Variants in SUCLG1 observed in about 807,000 individuals in gnomAD.
The protein encoded by SUCLG1 is succinate--CoA ligase [ADP/GDP-forming] subunit alpha, mitochondrial.
SUCLG1 carries 26 observed loss-of-function variants against 37.3 expected under a neutral mutation model. The ratio of observed to expected loss-of-function variants is 0.70; its 90% CI spans 0.51 to 0.97. The LOEUF is 0.97. SUCLG1 is among the 50% of genes least tolerant of loss of function. The pLI, the probability that SUCLG1 is intolerant of heterozygous loss-of-function variation, is 0.00. For missense variants in SUCLG1, 433 were observed against 432.9 expected (o/e 1.00, Z 0.00); for synonymous variants, 163 against 155.6 (o/e 1.05, Z -0.36).
Position 84,431,661 on chromosome 2 carries a change from T to C in SUCLG1, c.674-2A>G. ...CATTAAAAGGATCACCTCCAATGCC[T>C]GAAAAAGTTGAAAAATATCAATAGC... On this transcript the variant is annotated splice_acceptor_variant, in intron 6 of 8. Transcript: ENST00000393868. LOFTEE classifies it high-confidence loss of function. 1 of 1,613,754 alleles carries C rather than the reference T, an allele frequency of 6.2e-7. No individual in the cohort carries two copies. Among genetic ancestry groups the C allele is most frequent in the Non-Finnish European group, 8.5e-7 (1 of 1,179,818 alleles).
rs1672764290 is a variant in SUCLG1, at chr2:84,441,087, A to C, written c.549T>G (p.Ile183Met). 1 of 1,614,068 alleles carries C rather than the reference A, an allele frequency of 6.2e-7. No individual in the cohort carries two copies. Among genetic ancestry groups the C allele is most frequent in the African/African-American group, 1.3e-5 (1 of 74,952 alleles). ...PGVINPGECK[I>M]GIMPGHIHKK... ...TGTGAATATGGCCAGGCATGATGCC[A>C]ATTTTACATTCTCCAGGCTGAAAGT... Residue 183 changes from isoleucine (I) to methionine (M), a missense_variant, in exon 5 of 9, where the codon ATT becomes ATG. Coordinates refer to ENST00000393868, the MANE Select transcript of SUCLG1 (RefSeq NM_003849.4).
chr2:84,448,177 A>C lies in SUCLG1; in HGVS notation c.201+1472T>G, dbSNP rs964953746. 1.2e-4 allele frequency among the ~76,000 whole-genome samples: 18 copies of C among 150,430 alleles called. 1 individual carries two copies. The highest frequency in any genetic ancestry group is 5.8e-4 in the East Asian group (3 of 5,178). ...GTGTGCTCAGTTATTTCAGAAAAAA[A>C]AAAAAACAAAAAACAAAAAACAAAA... On this transcript the variant is annotated intron_variant, in intron 2 of 8. Coordinates refer to ENST00000393868, the MANE Select transcript of SUCLG1 (RefSeq NM_003849.4).
intron 2 of SUCLG1, among the ~76,000 whole-genome samples, chr2:84,443,614 T>A (rs1474444125): frequency 6.6e-6 from 1 of 152,214 alleles, no homozygotes; most frequent in African/African-American, 2.4e-5. Context: ...TGATTCCCTG[T>A]TTTCAAACTT....
chr2:84,447,987 T>C (rs940755411), intron 2 of SUCLG1, among the ~76,000 whole-genome samples: 24 of 151,952 alleles, frequency 1.6e-4, no homozygotes, highest in Admixed American at 6.6e-5. Flanking sequence ...CTGCTCTGGC[T>C]CCCTAAAGTG....
At chr2:84,449,583 TAAAA>T in intron 2 of SUCLG1, 62 bp downstream of exon 2, 1 of 1,114,934 alleles carries the variant, frequency 9.0e-7, no homozygotes, top group South Asian at 1.5e-5. Context: ...ATATTAAAAA[TAAAA>T]AAATAGTTAA....
intron 5 of SUCLG1, among the ~76,000 whole-genome samples, chr2:84,437,604 C>T (rs1672707223): frequency 6.6e-6 from 1 of 152,200 alleles, no homozygotes; most frequent in South Asian, 2.1e-4. Flanking sequence ...GAAAATGGCA[C>T]AGCTACACTG....
intron 1 of SUCLG1, among the ~76,000 whole-genome samples, chr2:84,450,530 T>C (rs566848468): frequency 6.6e-5 from 10 of 151,780 alleles, no homozygotes; most frequent in African/African-American, 1.4e-4. Flanking sequence ...AGGAGGAACA[T>C]AGATGACTTA....
In SUCLG1 at chr2:84,423,718, CCA is replaced by C; in HGVS notation, c.*26_*27del. 1 of 1,591,292 alleles carries C rather than the reference CCA, an allele frequency of 6.3e-7. No individual in the cohort carries two copies. Among genetic ancestry groups the C allele is most frequent in the Non-Finnish European group, 8.6e-7 (1 of 1,164,812 alleles). On this transcript the variant is annotated 3_prime_UTR_variant, in exon 9 of 9. Coordinates refer to ENST00000393868, the MANE Select transcript of SUCLG1 (RefSeq NM_003849.4). ...GGGTTACATGTCTACGTGATCCATTCCACAGTTTTAGGAATTTTTTTTTTCTT... is the reference window on the plus strand; with the variant it reads ...GGGTTACATGTCTACGTGATCCATTCCAGTTTTAGGAATTTTTTTTTTCTT...
In SUCLG1 at chr2:84,423,528, T is replaced by A; in HGVS notation, c.*218A>T. On this transcript the variant is annotated 3_prime_UTR_variant, in exon 9 of 9. Coordinates refer to ENST00000393868, the MANE Select transcript of SUCLG1 (RefSeq NM_003849.4). ...ACAATAATAAGCCTCCAAAACCATA[T>A]TGAAATCAAATAGTAGATTTATTGG... is the stretch of plus-strand genomic sequence containing the variant. 1 of 603,252 alleles carries A rather than the reference T, an allele frequency of 1.7e-6. No homozygotes were observed. Among genetic ancestry groups the A allele is most frequent in the Admixed American group, 2.8e-5 (1 of 35,290 alleles). 37.4% of individuals were successfully genotyped at this position (603,252 alleles called of 1,614,324 possible). A position where few individuals can be genotyped will look rare whatever the true frequency, so the allele number is the denominator to read the frequency against.
At chr2:84,427,291 AG>A (rs1431020309) in intron 7 of SUCLG1, among the ~76,000 whole-genome samples, 1 of 152,260 alleles carries the variant, frequency 6.6e-6, no homozygotes, top group African/African-American at 2.4e-5. Flanking sequence ...AAATCTCTCA[AG>A]TGGTAATTTC....
chr2:84,456,359 G>A (rs1016454856), intron 1 of SUCLG1, among the ~76,000 whole-genome samples: 2 of 152,110 alleles, frequency 1.3e-5, no homozygotes, highest in African/African-American at 4.8e-5. Context: ...GGAAACTTTT[G>A]GGATTTCCTC....
Position 84,425,443 on chromosome 2 carries a change from G to T in SUCLG1, c.986C>A (p.Pro329His). 6.2e-7 allele frequency: 1 copy of T among 1,614,130 alleles called. No individual in the cohort carries two copies. Among genetic ancestry groups the T allele is most frequent in the South Asian group, 1.1e-5 (1 of 91,078 alleles). ...GTAGATCGTGGTTCCCAGCTGTGCA[G>T]GAGACATACTGACCACAACTCCTGC... ...QSAGVVVSMSPAQLGTTIYKE... is the reference protein window; with the variant it reads ...QSAGVVVSMSHAQLGTTIYKE... Residue 329 changes from proline (P) to histidine (H), a missense_variant, in exon 8 of 9, where the codon CCT (proline) becomes CAT (histidine). Physicochemically the swap from Pro to His is moderately conservative, Grantham distance 77. Coordinates refer to ENST00000393868, the MANE Select transcript of SUCLG1 (RefSeq NM_003849.4).
intron 1 of SUCLG1, chr2:84,458,473 G>A (rs1673066220): frequency 1.3e-5 from 2 of 152,224 alleles, no homozygotes; most frequent in African/African-American, 4.8e-5. Context: ...CAGAGACTTT[G>A]AATATGGCAA....
chr2:84,449,399 T>C (rs1672901742), intron 2 of SUCLG1, among the ~76,000 whole-genome samples: 1 of 152,132 alleles, frequency 6.6e-6, no homozygotes, highest in Admixed American at 6.5e-5. Flanking sequence ...AAAGAAAGTG[T>C]ATGGGCCTCC....
chr2:84,459,270 A>T lies in SUCLG1; in HGVS notation c.-1T>A, dbSNP rs955120902. 9.0e-6 allele frequency: 14 copies of T among 1,550,662 alleles called. No homozygotes were observed. The highest frequency in any genetic ancestry group is 1.7e-4 in the Middle Eastern group (1 of 5,990). ...CGGCAGCGGCAAGGGTTGCGGTCATACGCCAATGACACTCCCAGGCCCCCG... is the reference window on the plus strand; with the variant it reads ...CGGCAGCGGCAAGGGTTGCGGTCATTCGCCAATGACACTCCCAGGCCCCCG... On this transcript the variant is annotated 5_prime_UTR_variant, in exon 1 of 9. Coordinates refer to ENST00000393868, the MANE Select transcript of SUCLG1 (RefSeq NM_003849.4).
At chr2:84,438,485 C>T (rs1487727863) in intron 5 of SUCLG1, among the ~76,000 whole-genome samples, 2 of 152,228 alleles carry the variant, frequency 1.3e-5, no homozygotes, top group African/African-American at 4.8e-5. Context: ...ATCCATTACA[C>T]TATTATACTG....
chr2:84,435,998 AT>A (rs1672682269), intron 5 of SUCLG1, among the ~76,000 whole-genome samples: 2 of 152,204 alleles, frequency 1.3e-5, no homozygotes, highest in East Asian at 1.9e-4. Flanking sequence ...TCTTGGTTGA[AT>A]TTTTTCTTCT....
chr2:84,443,532 C>T (rs1573371328), intron 2 of SUCLG1, 132 bp from the exon 3 acceptor site: 1 of 811,330 alleles, frequency 1.2e-6, no homozygotes, highest in East Asian at 2.7e-5. Context: ...CATATATTTA[C>T]TAAACATAGC....
intron 1 of SUCLG1, among the ~76,000 whole-genome samples, chr2:84,456,037 T>C (rs550822394): frequency 6.6e-6 from 1 of 152,270 alleles, no homozygotes; most frequent in South Asian, 2.1e-4. Flanking sequence ...ATTTCTGAAA[T>C]AAAGATTTGG....
Sources: allele counts gnomAD v4.1 joint callset (sites outside exome capture counted in the v4.1 genomes callset), GRCh38; gene constraint gnomAD v4.1.1; transcripts MANE v1.5; gene names NCBI Gene and HGNC (gene_info 2026-07-23, HGNC 2026-07-21).